Variants in OLFM1 observed in about 807,000 individuals in gnomAD.
OLFM1 encodes the protein olfactomedin 1.
Under a neutral mutation model 49.7 loss-of-function variants are expected in OLFM1, and 9 were observed. The ratio of observed to expected loss-of-function variants is 0.18; its 90% CI spans 0.11 to 0.32. The LOEUF (loss-of-function observed/expected upper bound fraction) is 0.32. Among genes scored for constraint, OLFM1 ranks in the 10% least tolerant of loss-of-function variants. OLFM1 has a pLI of 1.00. For missense variants in OLFM1, 369 were observed against 661.8 expected, an observed-to-expected ratio of 0.56 and a Z score of 4.85; for synonymous variants, 240 against 271.8, an observed-to-expected ratio of 0.88 and a Z score of 1.15.
At chr9:135,090,547 G>C (rs1379778685) in intron 2 of OLFM1, among the ~76,000 whole-genome samples, 1 of 152,062 alleles carries the variant, frequency 6.6e-6, no homozygotes, top group Non-Finnish European at 1.5e-5. Flanking sequence ...TGGGTGGGTG[G>C]ATGGATGGAC....
At position 135,113,272 on chromosome 9, in the gene OLFM1, C is replaced by A. The variant is rs548444149; in HGVS notation, c.784-6232C>A. On this transcript the variant is annotated intron_variant, in intron 5 of 5. Coordinates refer to ENST00000371793, the MANE Select transcript of OLFM1 (RefSeq NM_001282611.2). The surrounding 1 kb of genome is among the most constrained non-coding windows in gnomAD (Gnocchi z 4.0). ...CCGGAGGCCAAGCCCCCTGTGGTCT[C>A]GGTTTTCAGATGGGCTGACCCTACC... Among the ~76,000 whole-genome samples, 1 of 152,066 alleles carries A rather than the reference C, an allele frequency of 6.6e-6. No individual in the cohort carries two copies. The highest frequency in any genetic ancestry group is 2.1e-4 in the South Asian group (1 of 4,818).
At chr9:135,091,673 A>ACACAGT (rs796907081) in intron 2 of OLFM1, among the ~76,000 whole-genome samples, 20 of 1,852 alleles carry the variant, frequency 0.011, no homozygotes, top group South Asian at 0.09. Flanking sequence ...ACAGTCACAC[A>ACACAGT]CTCACACATA....
At chr9:135,090,386 T>TGTGTG (rs1554752667) in intron 2 of OLFM1, 42 bp downstream of exon 2, 2 of 1,203,756 alleles carry the variant, frequency 1.7e-6, no homozygotes, top group African/African-American at 1.6e-5. Context: ...GTGTGTGTGT[T>TGTGTG]TGTGTGTGTG....
At chr9:135,081,936 T>C (rs1830538000) in intron 1 of OLFM1, among the ~76,000 whole-genome samples, 2 of 152,132 alleles carry the variant, frequency 1.3e-5, no homozygotes, top group African/African-American at 2.4e-5. Context: ...GGGGCTGCCA[T>C]GGAGAGAATC....
intron 2 of OLFM1, 56 bp from the exon 3 acceptor site, chr9:135,095,808 A>G (rs1379914459): frequency 2.6e-5 from 41 of 1,589,068 alleles, no homozygotes; most frequent in Non-Finnish European, 3.4e-5. Flanking sequence ...GCAGGCAGAG[A>G]AGATTGCCTG....
chr9:135,114,012 G>A (rs10125714), intron 5 of OLFM1, among the ~76,000 whole-genome samples: 32,154 of 151,760 alleles, frequency 0.21, 3,523 homozygotes, highest in Middle Eastern at 0.28. Context: ...CTCTGCCTCC[G>A]TCTTCACATG....
In OLFM1 at chr9:135,098,546, ACCT is replaced by A. The variant is rs769200499; in HGVS notation, c.676+44_676+46del. The A allele has an allele frequency of 6.5e-7, 1 of 1,544,636 alleles. No individual in the cohort carries two copies. The highest frequency in any genetic ancestry group is 8.9e-7 in the Non-Finnish European group (1 of 1,119,426). Reference sequence around the variant, plus strand: ...TGCGGGACGTGGCGCTGCACTGCCCACCTCCGGCACACGCACAGGCTTAGGGAG... The same window carrying A: ...TGCGGGACGTGGCGCTGCACTGCCCACCGGCACACGCACAGGCTTAGGGAG... On this transcript the variant is annotated intron_variant, in intron 4 of 5. Coordinates refer to ENST00000371793, the MANE Select transcript of OLFM1 (RefSeq NM_001282611.2). The surrounding 1 kb of genome is among the most constrained non-coding windows in gnomAD (Gnocchi z 5.6).
chr9:135,097,938 C>T (rs1830822096), intron 3 of OLFM1: 10 of 1,477,052 alleles, frequency 6.8e-6, no homozygotes, highest in East Asian at 2.4e-5. Flanking sequence ...TTGAATACAA[C>T]CAGGATCCTC....
At chr9:135,107,153 GGGCTGGGCTGGGC>G (rs1830957117) in intron 5 of OLFM1, among the ~76,000 whole-genome samples, 1 of 151,978 alleles carries the variant, frequency 6.6e-6, no homozygotes, top group Non-Finnish European at 1.5e-5. Flanking sequence ...GGGCTGGGCT[GGGCTGGGCTGGGC>G]TGGGCTGGTG....
At chr9:135,111,352 G>C (rs1272183952) in intron 5 of OLFM1, among the ~76,000 whole-genome samples, 1 of 152,220 alleles carries the variant, frequency 6.6e-6, no homozygotes, top group Non-Finnish European at 1.5e-5. Flanking sequence ...TTAGAGTGAG[G>C]CTGTGCTCGG....
At position 135,090,355 on chromosome 9, in the gene OLFM1, G is replaced by C. The variant is rs753364937; in HGVS notation, c.300+11G>C. ...CAGCTACTGGAGAAGGTGAGTCTGCGCAGAGTGTGTGAGTTTGTATGTGTG... is the reference window on the plus strand; with the variant it reads ...CAGCTACTGGAGAAGGTGAGTCTGCCCAGAGTGTGTGAGTTTGTATGTGTG... On this transcript the variant is annotated intron_variant, in intron 2 of 5. Coordinates refer to ENST00000371793, the MANE Select transcript of OLFM1 (RefSeq NM_001282611.2). 1 of 1,607,100 alleles carries C rather than the reference G, an allele frequency of 6.2e-7. No individual in the cohort carries two copies. The highest frequency in any genetic ancestry group is 8.5e-7 in the Non-Finnish European group (1 of 1,178,054).
chr9:135,111,451 C>T (rs147314350), intron 5 of OLFM1, among the ~76,000 whole-genome samples: 4 of 152,214 alleles, frequency 2.6e-5, no homozygotes, highest in East Asian at 1.9e-4. Flanking sequence ...GATCAGTGTG[C>T]GAGACCTCCA....
chr9:135,091,737 ACACCCACACATAGTCACACACACT>A (rs2119107282), intron 2 of OLFM1, among the ~76,000 whole-genome samples: 3 of 146,792 alleles, frequency 2.0e-5, no homozygotes, highest in Middle Eastern at 3.5e-3. Flanking sequence ...ATAGTCACAC[ACACCCACACATAGTCACACACACT>A]CACACAGTCA....
At chr9:135,092,193 G>C (rs906925318) in intron 2 of OLFM1, among the ~76,000 whole-genome samples, 1 of 152,202 alleles carries the variant, frequency 6.6e-6, no homozygotes, top group Non-Finnish European at 1.5e-5. Context: ...CAGGAAGCTC[G>C]AGACAAAGCA....
intron 1 of OLFM1, chr9:135,076,538 TGGG>T: frequency 8.4e-7 from 1 of 1,196,972 alleles, no homozygotes; most frequent in Non-Finnish European, 1.1e-6. Context: ...TGGCAGGTCT[TGGG>T]GGAGGAGAAG....
Position 135,120,079 on chromosome 9 carries a change from C to T in OLFM1, c.1359C>T (p.Asp453=). ...AATACTCCCACATCTCCATGCTGGACTACAACCCCAAGGACCGGGCCCTGT... is the reference window on the plus strand; with the variant it reads ...AATACTCCCACATCTCCATGCTGGATTACAACCCCAAGGACCGGGCCCTGT... ...QNKYSHISML[D]YNPKDRALYA... The change falls in exon 6 of 6, where the codon GAC becomes GAT. Residue 453 remains aspartate, a synonymous_variant. Coordinates refer to ENST00000371793, the MANE Select transcript of OLFM1 (RefSeq NM_001282611.2). The T allele has an allele frequency of 6.2e-7, 1 of 1,614,146 alleles. No homozygotes were observed. Among genetic ancestry groups the T allele is most frequent in the Non-Finnish European group, 8.5e-7 (1 of 1,180,028 alleles).
chr9:135,091,695 A>ACAGTCTCACCCATAGTCACC, intron 2 of OLFM1, among the ~76,000 whole-genome samples: 1 of 143,588 alleles, frequency 7.0e-6, no homozygotes, highest in East Asian at 2.1e-4. Context: ...TCTCACACAC[A>ACAGTCTCACCCATAGTCACC]CACAGTCACA....
chr9:135,093,391 C>T (rs1830741993), intron 2 of OLFM1, among the ~76,000 whole-genome samples: 1 of 152,168 alleles, frequency 6.6e-6, no homozygotes, highest in Non-Finnish European at 1.5e-5. Context: ...AAGCAAGTTG[C>T]TTAACTTCTC....
chr9:135,091,508 GTC>G (rs1294175384), intron 2 of OLFM1, among the ~76,000 whole-genome samples: 17 of 113,190 alleles, frequency 1.5e-4, no homozygotes, highest in Admixed American at 1.3e-3. Context: ...CATTCACACA[GTC>G]TCACACACAC....
Sources: allele counts gnomAD v4.1 joint callset (sites outside exome capture counted in the v4.1 genomes callset), GRCh38; gene constraint gnomAD v4.1.1; non-coding constraint Gnocchi (gnomAD v3.1); transcripts MANE v1.5; gene names NCBI Gene and HGNC (gene_info 2026-07-23, HGNC 2026-07-21).